HTR5A: variants seen among roughly 807,000 people sequenced by gnomAD.
HTR5A encodes 5-hydroxytryptamine receptor 5A.
Under a neutral mutation model 24.3 loss-of-function variants are expected in HTR5A, and 21 were observed. The ratio of observed to expected loss-of-function variants is 0.86; its 90% CI spans 0.61 to 1.24. HTR5A has a LOEUF of 1.24. Among genes scored for constraint, HTR5A ranks in the 50% most tolerant of loss-of-function variants. HTR5A has a pLI of 0.00. For missense variants in HTR5A, 497 were observed against 489.5 expected (o/e 1.02, Z -0.15); for synonymous variants, 260 against 213.7 (o/e 1.22, Z -1.89).
intron 1 of HTR5A, 61 bp from the exon 2 acceptor site, chr7:155,084,094 G>A: frequency 7.3e-7 from 1 of 1,364,474 alleles, no homozygotes; most frequent in Non-Finnish European, 9.9e-7. Flanking sequence ...TCAGTGTCCA[G>A]GCTCAGCCTA....
chr7:155,070,882 C>A lies in HTR5A; in HGVS notation c.-18C>A. 4 of 1,586,002 alleles carry A rather than the reference C, an allele frequency of 2.5e-6. No individual in the cohort carries two copies. The highest frequency in any genetic ancestry group is 3.4e-6 in the Non-Finnish European group (4 of 1,170,420). ...CACCCCTTCTGCAAGTACCCCAGGG[C>A]GGTCTCCTGACCCAGAGATGGATTT... On this transcript the variant is annotated 5_prime_UTR_variant, in exon 1 of 2. Transcript: ENST00000287907.
chr7:155,073,181 C>T (rs1017754174), intron 1 of HTR5A, among the ~76,000 whole-genome samples: 10 of 151,888 alleles, frequency 6.6e-5, no homozygotes, highest in East Asian at 3.9e-4. Context: ...ATTAGCCAGG[C>T]GTGGTGGCAG....
chr7:155,084,387 G>A lies in HTR5A; in HGVS notation c.974G>A (p.Trp325Ter). Reference protein sequence around the residue: ...IPAIWKSIFLWLGYSNSFFNP... With the variant: ...IPAIWKSIFL ...GCCATCTGGAAAAGCATCTTCCTGT[G>A]GCTTGGCTACTCCAACTCCTTCTTT... The change falls in exon 2 of 2, where the codon TGG (tryptophan) becomes TAG (stop). Residue 325 changes from tryptophan to a stop codon, truncating the protein, a stop_gained. Transcript: ENST00000287907. LOFTEE classifies it high-confidence loss of function. The A allele has an allele frequency of 6.2e-7, 1 of 1,614,094 alleles. No homozygotes were observed. Among genetic ancestry groups the A allele is most frequent in the Non-Finnish European group, 8.5e-7 (1 of 1,180,028 alleles).
At chr7:155,079,123 T>C (rs1795389346) in intron 1 of HTR5A, among the ~76,000 whole-genome samples, 1 of 152,008 alleles carries the variant, frequency 6.6e-6, no homozygotes, top group Non-Finnish European at 1.5e-5. Context: ...CCTGGCTAAT[T>C]TTTAAAATTT....
rs201347307 is a variant in HTR5A at position 155,070,861 on chromosome 7, C to T, written c.-39C>T. 737 of 1,564,278 alleles carry T rather than the reference C, an allele frequency of 4.7e-4. 11 individuals carry two copies. The South Asian group carries it at 7.5e-3, about 16-fold the overall frequency. On this transcript the variant is annotated 5_prime_UTR_variant, in exon 1 of 2. Coordinates refer to ENST00000287907, the MANE Select transcript of HTR5A (RefSeq NM_024012.4). ...GCCGCCTTAAGTCCTCCTGAACACC[C>T]CTTCTGCAAGTACCCCAGGGCGGTC...
At position 155,084,858 on chromosome 7, in the gene HTR5A, T is replaced by C. The variant is rs1795458972; in HGVS notation, c.*371T>C. ...ACAATATGGGCAGGTTGAGATTGAATAGAAAAGAATGAACAAGTCATGATG... is the reference window on the plus strand; with the variant it reads ...ACAATATGGGCAGGTTGAGATTGAACAGAAAAGAATGAACAAGTCATGATG... On this transcript the variant is annotated 3_prime_UTR_variant, in exon 2 of 2. Coordinates refer to ENST00000287907, the MANE Select transcript of HTR5A (RefSeq NM_024012.4). 4.9e-6 allele frequency: 1 copy of C among 205,500 alleles called. No homozygotes were observed. Among genetic ancestry groups the C allele is most frequent in the South Asian group, 1.0e-4 (1 of 9,554 alleles). The allele number at this position is 205,500 out of a possible 1,614,324, so 12.7% of individuals were successfully genotyped here.
intron 1 of HTR5A, among the ~76,000 whole-genome samples, chr7:155,073,830 TAC>T (rs60282843): frequency 2.2e-5 from 3 of 135,796 alleles, no homozygotes; most frequent in African/African-American, 8.3e-5. Flanking sequence ...TTTATATAGA[TAC>T]ACACACACAT....
At chr7:155,078,192 C>T (rs1795378450) in intron 1 of HTR5A, among the ~76,000 whole-genome samples, 1 of 152,124 alleles carries the variant, frequency 6.6e-6, no homozygotes, top group Admixed American at 6.6e-5. Flanking sequence ...TCTAGAAAGC[C>T]ATATCTTGTA....
chr7:155,073,848 T>C (rs1228608469), intron 1 of HTR5A, among the ~76,000 whole-genome samples: 2 of 142,616 alleles, frequency 1.4e-5, no homozygotes, highest in Non-Finnish European at 3.0e-5. Context: ...CACATATATA[T>C]ACATATGTGT....
intron 1 of HTR5A, among the ~76,000 whole-genome samples, chr7:155,072,425 C>T (rs1795307528): frequency 6.6e-6 from 1 of 152,156 alleles, no homozygotes; most frequent in Non-Finnish European, 1.5e-5. Context: ...AGAGAATTCC[C>T]TAGCTCTCTA....
intron 1 of HTR5A, among the ~76,000 whole-genome samples, chr7:155,072,880 A>G (rs1795312528): frequency 6.6e-6 from 1 of 152,122 alleles, no homozygotes; most frequent in Non-Finnish European, 1.5e-5. Context: ...GTAGCTAGGG[A>G]AAAAGGGGAG....
At chr7:155,082,141 C>A (rs78938692) in intron 1 of HTR5A, among the ~76,000 whole-genome samples, 1 of 143,054 alleles carries the variant, frequency 7.0e-6, no homozygotes, top group African/African-American at 3.0e-5. Flanking sequence ...GCATCTCCAG[C>A]GTGACCAGCA....
At position 155,086,601 on chromosome 7, in the gene HTR5A, C is replaced by T. The variant is rs1563424691; in HGVS notation, c.*2114C>T. Among the ~76,000 whole-genome samples the T allele has an allele frequency of 1.3e-5, 2 of 152,182 alleles. No homozygotes were observed. Among genetic ancestry groups the T allele is most frequent in the Non-Finnish European group, 2.9e-5 (2 of 68,028 alleles). ...TGTATTTAACACCTCTCAGGTGTCA[C>T]TTAAATTATACATTATATACAACAT... is the stretch of plus-strand genomic sequence containing the variant. On this transcript the variant is annotated 3_prime_UTR_variant, in exon 2 of 2. Coordinates refer to ENST00000287907, the MANE Select transcript of HTR5A (RefSeq NM_024012.4).
At chr7:155,076,631 A>C (rs1356473408) in intron 1 of HTR5A, among the ~76,000 whole-genome samples, 3 of 152,232 alleles carry the variant, frequency 2.0e-5, no homozygotes, top group South Asian at 2.1e-4. Context: ...ATAGAAATGC[A>C]GTTATGGGAT....
chr7:155,082,364 A>G (rs1334310291), intron 1 of HTR5A, among the ~76,000 whole-genome samples: 8 of 152,100 alleles, frequency 5.3e-5, no homozygotes, highest in African/African-American at 1.4e-4. Context: ...CAGTGTGAAC[A>G]GAATCTTCAG....
At chr7:155,071,989 G>T (rs946873038) in intron 1 of HTR5A, among the ~76,000 whole-genome samples, 1 of 152,088 alleles carries the variant, frequency 6.6e-6, no homozygotes, top group Non-Finnish European at 1.5e-5. Context: ...TCTGGGGTAC[G>T]CTGATTCAGT....
chr7:155,077,455 G>GTT (rs936474849), intron 1 of HTR5A, among the ~76,000 whole-genome samples: 7 of 120,554 alleles, frequency 5.8e-5, no homozygotes, highest in African/African-American at 1.3e-4. Context: ...TAACCAATAG[G>GTT]TTTTTTTTTT....
At chr7:155,078,361 C>T (rs1238246874) in intron 1 of HTR5A, among the ~76,000 whole-genome samples, 2 of 152,216 alleles carry the variant, frequency 1.3e-5, no homozygotes, top group South Asian at 2.1e-4. Context: ...CAAGACTATA[C>T]TTCAGCTGTT....
rs1303394141 is a variant in HTR5A at position 155,071,542 on chromosome 7, G to T, written c.643G>T (p.Val215Leu). 1 of 1,614,190 alleles carries T rather than the reference G, an allele frequency of 6.2e-7. No homozygotes were observed. Among genetic ancestry groups the T allele is most frequent in the Non-Finnish European group, 8.5e-7 (1 of 1,180,038 alleles). The change falls in exon 1 of 2, where the codon GTG becomes TTG. Residue 215 changes from valine (V) to leucine (L), a missense_variant. Val to Leu is a conservative substitution (Grantham distance 32, BLOSUM62 1). Transcript: ENST00000287907. ...AGGCGCCTTCTACCTGCCGCTCTGT[G>T]TGGTGCTCTTCGTGTACTGGAAGAT... ...TVGAFYLPLC[V>L]VLFVYWKIYK...
Sources: gnomAD v4.1 joint callset for allele counts (sites outside exome capture counted in the v4.1 genomes callset) on GRCh38, gnomAD v4.1.1 for gene constraint, MANE v1.5 for transcripts, NCBI Gene and HGNC (gene_info 2026-07-23, HGNC 2026-07-21) for gene names.